Variants in NRXN1 observed in about 807,000 individuals in gnomAD.
NRXN1 encodes the protein neurexin 1, also known as neurexin-1.
In NRXN1, 39 loss-of-function variants were observed where a neutral mutation model predicts 150.9. That is an observed-to-expected ratio of 0.26 (90% CI 0.20 to 0.34). The LOEUF (loss-of-function observed/expected upper bound fraction) is 0.34. NRXN1 is among the 10% of genes least tolerant of loss of function. The pLI is 1.00. For missense variants in NRXN1, 1,815 were observed against 1,949.9 expected, an observed-to-expected ratio of 0.93 and a Z score of 1.30; for synonymous variants, 924 against 757.0, an observed-to-expected ratio of 1.22 and a Z score of -3.62.
At chr2:50,999,470 T>C (rs1038167122) in intron 2 of NRXN1, among the ~76,000 whole-genome samples, 1 of 152,004 alleles carries the variant, frequency 6.6e-6, no homozygotes, top group African/African-American at 2.4e-5. Context: ...ACATCTTCTA[T>C]GTGACAAGCA....
chr2:50,836,564 T>C (rs866696755), intron 5 of NRXN1, among the ~76,000 whole-genome samples: 1 of 152,136 alleles, frequency 6.6e-6, no homozygotes, highest in African/African-American at 2.4e-5. Flanking sequence ...AGTGAGATCA[T>C]GCAGTATTTG....
intron 21 of NRXN1, among the ~76,000 whole-genome samples, chr2:49,987,829 C>CT (rs1437736569): frequency 2.0e-5 from 3 of 150,556 alleles, no homozygotes; most frequent in Admixed American, 2.0e-4. Context: ...TATTATTATA[C>CT]ATTTTTTTCC....
chr2:50,189,237 A>T (rs1290004652), intron 18 of NRXN1, among the ~76,000 whole-genome samples: 2 of 152,108 alleles, frequency 1.3e-5, no homozygotes, highest in African/African-American at 4.8e-5. Flanking sequence ...GGAGCTGGAA[A>T]CCATCATTCT....
At chr2:50,886,697 T>C (rs1052584921) in intron 5 of NRXN1, among the ~76,000 whole-genome samples, 3 of 151,404 alleles carry the variant, frequency 2.0e-5, no homozygotes, top group Non-Finnish European at 3.0e-5. Context: ...TATGTCCATC[T>C]GAGAAACAGT....
At chr2:50,100,767 C>G (rs1399698055) in intron 18 of NRXN1, among the ~76,000 whole-genome samples, 3 of 152,060 alleles carry the variant, frequency 2.0e-5, no homozygotes, top group Non-Finnish European at 2.9e-5. Flanking sequence ...AATTCTGTAT[C>G]TCCATCCACT....
intron 2 of NRXN1, among the ~76,000 whole-genome samples, chr2:51,020,519 T>C (rs10490162): frequency 0.15 from 22,793 of 151,876 alleles, 2,374 homozygotes; most frequent in East Asian, 0.44. Context: ...CACATTTTTA[T>C]AATACTATTA....
chr2:50,561,388 GT>G (rs1669056675), intron 8 of NRXN1, among the ~76,000 whole-genome samples: 2 of 152,224 alleles, frequency 1.3e-5, no homozygotes. Flanking sequence ...GTAATGTGAA[GT>G]TTCAGCTGAA....
At chr2:50,130,898 A>G (rs1011166737) in intron 18 of NRXN1, among the ~76,000 whole-genome samples, 19 of 152,346 alleles carry the variant, frequency 1.2e-4, no homozygotes, top group African/African-American at 4.6e-4. Context: ...TGGAAGGCCA[A>G]TTCTTTTCCG....
chr2:50,598,728 A>ATG (rs1491300861), intron 8 of NRXN1, among the ~76,000 whole-genome samples: 1 of 147,312 alleles, frequency 6.8e-6, no homozygotes, highest in South Asian at 2.1e-4. Flanking sequence ...ATATATACAC[A>ATG]TATATATGTA....
intron 21 of NRXN1, among the ~76,000 whole-genome samples, chr2:49,956,362 A>G (rs931579735): frequency 9.9e-5 from 15 of 152,190 alleles, no homozygotes; most frequent in African/African-American, 3.6e-4. Flanking sequence ...CAATTTGAAA[A>G]GCAACGAGAA....
chr2:50,347,247 C>T lies in NRXN1; in HGVS notation c.3365-110277G>A. 7.6e-7 allele frequency: 1 copy of T among 1,323,036 alleles called. No homozygotes were observed. The highest frequency in any genetic ancestry group is 9.9e-7 in the Non-Finnish European group (1 of 1,011,610). The allele number at this position is 1,323,036 out of a possible 1,614,324, so 82.0% of individuals were successfully genotyped here. A position where few individuals can be genotyped will look rare whatever the true frequency, so the allele number is the denominator to read the frequency against. On this transcript the variant is annotated intron_variant, in intron 17 of 22. Coordinates refer to ENST00000401669, the MANE Select transcript of NRXN1 (RefSeq NM_001330078.2). The surrounding 1 kb of genome is among the most constrained non-coding windows in gnomAD (Gnocchi z 4.9). Reference sequence around the variant, plus strand: ...GGAGCGGGTGGCTGCTCCCAGATTTCCAGGGCTCCAGGTTCTCGAGAGATA... The same window carrying T: ...GGAGCGGGTGGCTGCTCCCAGATTTTCAGGGCTCCAGGTTCTCGAGAGATA...
chr2:50,479,532 C>G (rs2090269680), intron 15 of NRXN1, among the ~76,000 whole-genome samples: 1 of 152,066 alleles, frequency 6.6e-6, no homozygotes, highest in Admixed American at 6.6e-5. Context: ...AAGGAATAAT[C>G]CTAAACACGT....
chr2:50,791,985 G>C (rs1307333753), intron 5 of NRXN1, among the ~76,000 whole-genome samples: 1 of 152,050 alleles, frequency 6.6e-6, no homozygotes, highest in East Asian at 1.9e-4. Flanking sequence ...AGATGTGCGT[G>C]GGCATTATGA....
In NRXN1 at chr2:50,501,426, T is replaced by TG. The variant is rs70948713; in HGVS notation, c.2498-3713_2498-3712insC. ...GTGTGTGTGTGTGTGTGTGTGTGTG[T>TG]TTATTCCCTTTGTGGGTGCAAGAGA... On this transcript the variant is annotated intron_variant, in intron 13 of 22. Transcript: ENST00000401669. Among the ~76,000 whole-genome samples the TG allele has an allele frequency of 3.3e-5, 5 of 151,564 alleles. No individual in the cohort carries two copies. The South Asian group carries it at 8.3e-4, about 25-fold the overall frequency.
At chr2:50,000,667 T>C (rs1683763219) in intron 21 of NRXN1, among the ~76,000 whole-genome samples, 1 of 152,166 alleles carries the variant, frequency 6.6e-6, no homozygotes, top group African/African-American at 2.4e-5. Flanking sequence ...CTCTAGATAA[T>C]AGTCCCAGAG....
At chr2:50,370,960 T>C (rs957032294) in intron 17 of NRXN1, among the ~76,000 whole-genome samples, 1 of 152,026 alleles carries the variant, frequency 6.6e-6, no homozygotes, top group African/African-American at 2.4e-5. Context: ...ATGTCCTTAG[T>C]ATCTGAGATA....
intron 5 of NRXN1, among the ~76,000 whole-genome samples, chr2:50,768,978 G>T (rs1234711136): frequency 6.6e-6 from 1 of 151,646 alleles, no homozygotes; most frequent in Non-Finnish European, 1.5e-5. Flanking sequence ...AACTTCTTGG[G>T]ATTTTCAGGG....
intron 17 of NRXN1, among the ~76,000 whole-genome samples, chr2:50,305,032 G>C (rs2074492247): frequency 6.6e-6 from 1 of 152,172 alleles, no homozygotes; most frequent in African/African-American, 2.4e-5. Flanking sequence ...AGAGGGTGTA[G>C]TGAGCCAAGA....
intron 5 of NRXN1, among the ~76,000 whole-genome samples, chr2:50,655,699 A>G (rs921172402): frequency 1.3e-5 from 2 of 151,820 alleles, no homozygotes; most frequent in African/African-American, 4.8e-5. Context: ...GACAGAAGAG[A>G]ACTAGGACTT....
Sources: gnomAD v4.1 joint callset for allele counts (sites outside exome capture counted in the v4.1 genomes callset) on GRCh38, gnomAD v4.1.1 for gene constraint, Gnocchi (gnomAD v3.1) non-coding constraint, MANE v1.5 for transcripts, NCBI Gene and HGNC (gene_info 2026-07-23, HGNC 2026-07-21) for gene names.